IGF2R: variants seen among roughly 807,000 people sequenced by gnomAD.
The protein encoded by IGF2R is insulin like growth factor 2 receptor, also known as cation-independent mannose-6-phosphate receptor.
In IGF2R, 91 loss-of-function variants were observed where a neutral mutation model predicts 270.6. The ratio of observed to expected loss-of-function variants is 0.34; its 90% CI spans 0.28 to 0.40. IGF2R has a LOEUF of 0.40. Among genes scored for constraint, IGF2R ranks in the 10% least tolerant of loss-of-function variants. The pLI, the probability that IGF2R is intolerant of heterozygous loss-of-function variation, is 1.00. For missense variants in IGF2R, 2,805 were observed against 3,188.3 expected, an observed-to-expected ratio of 0.88 and a Z score of 2.90; for synonymous variants, 1,316 against 1,258.9, an observed-to-expected ratio of 1.05 and a Z score of -0.96.
intron 1 of IGF2R, among the ~76,000 whole-genome samples, chr6:159,971,719 C>T (rs1783611724): frequency 6.6e-6 from 1 of 152,232 alleles, no homozygotes; most frequent in African/African-American, 2.4e-5. Flanking sequence ...GCAGTCATAG[C>T]TCACTACAGT....
intron 1 of IGF2R, among the ~76,000 whole-genome samples, chr6:159,972,736 C>T (rs531150223): frequency 6.6e-6 from 1 of 152,170 alleles, no homozygotes; most frequent in African/African-American, 2.4e-5. Context: ...TTGGGAGGAA[C>T]GAAGGAGACA....
rs559510148 is a variant in IGF2R, at chr6:160,107,941, C to G, written c.*2857C>G. ...CCTACAAACAAGGACCTTCACACGA[C>G]TAAGATGCCACCTGGTGATTAAAGA... On this transcript the variant is annotated 3_prime_UTR_variant, in exon 48 of 48. Coordinates refer to ENST00000356956, the MANE Select transcript of IGF2R (RefSeq NM_000876.4). 2 of 152,352 alleles carry G rather than the reference C, an allele frequency of 1.3e-5. No individual in the cohort carries two copies. The highest frequency in any genetic ancestry group is 1.3e-4 in the Admixed American group (2 of 15,312). 9.4% of individuals were successfully genotyped at this position (152,352 alleles called of 1,614,324 possible). A position where few individuals can be genotyped will look rare whatever the true frequency, so the allele number is the denominator to read the frequency against.
intron 22 of IGF2R, 139 bp downstream of exon 22, chr6:160,059,237 C>A: frequency 1.5e-6 from 1 of 662,738 alleles, no homozygotes; most frequent in Non-Finnish European, 2.5e-6. Context: ...CAGGAGCCAT[C>A]ACGGTGGTCT....
chr6:159,977,664 T>C (rs902820320), intron 1 of IGF2R, among the ~76,000 whole-genome samples: 1 of 152,208 alleles, frequency 6.6e-6, no homozygotes, highest in Non-Finnish European at 1.5e-5. Context: ...TCTTTCCTAT[T>C]TGAAAACCTC....
At position 160,084,944 on chromosome 6, in the gene IGF2R, C is replaced by A; in HGVS notation, c.6069-51C>A. 6.3e-7 allele frequency: 1 copy of A among 1,581,066 alleles called. No homozygotes were observed. The highest frequency in any genetic ancestry group is 8.7e-7 in the Non-Finnish European group (1 of 1,155,170). On this transcript the variant is annotated intron_variant, in intron 40 of 47. Coordinates refer to ENST00000356956, the MANE Select transcript of IGF2R (RefSeq NM_000876.4). This position sits in a 1 kb window ranked among gnomAD's most constrained non-coding sequence, Gnocchi z 4.6. ...AGTGAAGAGCCCTCCTGTGTCAGGGCAGAGACGTCACTTGCATGCCTTTTA... is the reference window on the plus strand; with the variant it reads ...AGTGAAGAGCCCTCCTGTGTCAGGGAAGAGACGTCACTTGCATGCCTTTTA...
In IGF2R at chr6:160,046,475, T is replaced by C. The variant is rs755601488; in HGVS notation, c.1904-23T>C. The C allele has an allele frequency of 2.4e-5, 38 of 1,596,548 alleles. No homozygotes were observed. In the East Asian group the frequency reaches 7.4e-4, roughly 31 times the overall value. Reference sequence around the variant, plus strand: ...ACTGTCGGACTGACCTTCCATACTTTTATTGTTTTTATTCTTTCTTAGGGT... The same window carrying C: ...ACTGTCGGACTGACCTTCCATACTTCTATTGTTTTTATTCTTTCTTAGGGT... On this transcript the variant is annotated intron_variant, in intron 14 of 47. Coordinates refer to ENST00000356956, the MANE Select transcript of IGF2R (RefSeq NM_000876.4).
chr6:159,997,603 A>G (rs1784072497), intron 2 of IGF2R, among the ~76,000 whole-genome samples: 1 of 152,180 alleles, frequency 6.6e-6, no homozygotes, highest in Non-Finnish European at 1.5e-5. Flanking sequence ...CCCCTTTCAA[A>G]GGAATACCAA....
chr6:160,069,791 C>A, intron 30 of IGF2R, 77 bp from the exon 31 acceptor site: 1 of 1,337,086 alleles, frequency 7.5e-7, no homozygotes, highest in Non-Finnish European at 1.1e-6. Context: ...GCGTGTGTGA[C>A]ATTTATTGCC....
Position 160,102,486 on chromosome 6 carries a change from T to A in IGF2R, c.6843-33T>A. 6.2e-7 allele frequency: 1 copy of A among 1,600,424 alleles called. No individual in the cohort carries two copies. The highest frequency in any genetic ancestry group is 8.5e-7 in the Non-Finnish European group (1 of 1,171,626). ...TGGCTGTGGCAGCAGGACCACCCTG[T>A]GACACGGCTCCTTTTCTGTGACGTC... is the stretch of plus-strand genomic sequence containing the variant. On this transcript the variant is annotated intron_variant, in intron 45 of 47. Coordinates refer to ENST00000356956, the MANE Select transcript of IGF2R (RefSeq NM_000876.4). This position sits in a 1 kb window ranked among gnomAD's most constrained non-coding sequence, Gnocchi z 4.5.
chr6:160,091,901 G>C (rs1779235449), intron 44 of IGF2R, among the ~76,000 whole-genome samples: 1 of 152,218 alleles, frequency 6.6e-6, no homozygotes, highest in East Asian at 1.9e-4. Flanking sequence ...CTTGCAAGCT[G>C]CTGCTCCTAC....
rs1777566375 is a variant in IGF2R, at chr6:160,026,647, T to C, written c.647-538T>C. 5.3e-5 allele frequency among the ~76,000 whole-genome samples: 8 copies of C among 152,366 alleles called. No individual in the cohort carries two copies. The South Asian group carries it at 1.7e-3, about 32-fold the overall frequency. On this transcript the variant is annotated intron_variant, in intron 5 of 47. Coordinates refer to ENST00000356956, the MANE Select transcript of IGF2R (RefSeq NM_000876.4). ...CATAGCTGTTGCTATACTGGCAATC[T>C]GTAAAGCCTGCGGGATGTTCTGGAC... is the stretch of plus-strand genomic sequence containing the variant.
chr6:160,003,730 T>C (rs911380180), intron 2 of IGF2R: 1 of 152,222 alleles, frequency 6.6e-6, no homozygotes, highest in Non-Finnish European at 1.5e-5. Flanking sequence ...AGAATCTCTT[T>C]TTTTCATGGA....
Position 160,040,692 on chromosome 6 carries a change from G to C in IGF2R, c.1448G>C (p.Arg483Pro). 1 of 1,614,180 alleles carries C rather than the reference G, an allele frequency of 6.2e-7. No individual in the cohort carries two copies. The highest frequency in any genetic ancestry group is 8.5e-7 in the Non-Finnish European group (1 of 1,180,024). ...TGCGGTGCCACCGACGGGAAGAAGC[G>C]CTATGACCTGTCCGCGCTGGTCCGC... ...LLCGATDGKK[R>P]YDLSALVRHA... The change falls in exon 11 of 48, where the codon CGC becomes CCC. Residue 483 changes from arginine to proline, a missense_variant. Around this residue, in one of 2 missense-constraint regions of IGF2R, gnomAD observed 954 missense variants for 981.1 expected, o/e 0.97. Coordinates refer to ENST00000356956, the MANE Select transcript of IGF2R (RefSeq NM_000876.4).
intron 2 of IGF2R, among the ~76,000 whole-genome samples, chr6:160,002,473 C>T (rs891874306): frequency 1.1e-4 from 16 of 152,120 alleles, no homozygotes; most frequent in African/African-American, 3.6e-4. Flanking sequence ...TAAAGATCTT[C>T]GTCCTTATTG....
At chr6:159,989,840 C>T (rs1397018167) in intron 1 of IGF2R, among the ~76,000 whole-genome samples, 1 of 152,232 alleles carries the variant, frequency 6.6e-6, no homozygotes, top group East Asian at 1.9e-4. Flanking sequence ...ACATTCTCCC[C>T]AGGGAAGGGA....
At position 160,062,573 on chromosome 6, in the gene IGF2R, G is replaced by C; in HGVS notation, c.3624G>C (p.Val1208=). 6.2e-7 allele frequency: 1 copy of C among 1,614,044 alleles called. No individual in the cohort carries two copies. Residue 1208 remains valine, a synonymous_variant, in exon 26 of 48, where the codon GTG becomes GTC. Coordinates refer to ENST00000356956, the MANE Select transcript of IGF2R (RefSeq NM_000876.4). ...AGCTTCAGGATGGTTGTGAGTACGT[G>C]TTTATCTGGAGAACTGTGGAAGCCT... ...AFQLQDGCEY[V]FIWRTVEACP...
chr6:159,981,697 G>C (rs1336567453), intron 1 of IGF2R, among the ~76,000 whole-genome samples: 2 of 152,204 alleles, frequency 1.3e-5, no homozygotes, highest in East Asian at 3.9e-4. Flanking sequence ...GTTAGTCAGC[G>C]CTGGGGCAGG....
chr6:160,104,233 C>G, intron 47 of IGF2R, among the ~76,000 whole-genome samples: 1 of 152,152 alleles, frequency 6.6e-6, no homozygotes, highest in Non-Finnish European at 1.5e-5. Flanking sequence ...ATGAATTGCT[C>G]TCTAAAACTA....
chr6:160,071,048 G>T (rs1372667623), intron 31 of IGF2R, among the ~76,000 whole-genome samples: 1 of 152,128 alleles, frequency 6.6e-6, no homozygotes, highest in African/African-American at 2.4e-5. Flanking sequence ...GGCCCAGAAG[G>T]CTGGGAGGGA....
Sources: gnomAD v4.1 joint callset for allele counts (sites outside exome capture counted in the v4.1 genomes callset) on GRCh38, gnomAD v4.1.1 for gene constraint, gnomAD v4.1.1 regional missense constraint, Gnocchi (gnomAD v3.1) non-coding constraint, MANE v1.5 for transcripts, NCBI Gene and HGNC (gene_info 2026-07-23, HGNC 2026-07-21) for gene names.